Variants in RARB observed in about 807,000 individuals in gnomAD.
The protein encoded by RARB is retinoic acid receptor beta, also known as HBV-activated protein.
RARB carries 17 observed loss-of-function variants against 51.9 expected under a neutral mutation model. The ratio of observed to expected loss-of-function variants is 0.33; its 90% confidence interval spans 0.22 to 0.49. RARB has a LOEUF of 0.49. Ranked by LOEUF, RARB falls within the 20% of genes least tolerant of loss-of-function variation. The pLI, the probability that RARB is intolerant of heterozygous loss-of-function variation, is 0.99. For synonymous variants in RARB, 215 were observed against 195.4 expected (o/e 1.10, Z -0.84); for missense variants, 369 against 550.8 (o/e 0.67, Z 3.30).
chr3:25,108,078 G>A (rs1046576913), intron 3 of RARB, among the ~76,000 whole-genome samples: 30 of 152,108 alleles, frequency 2.0e-4, no homozygotes, highest in African/African-American at 6.3e-4. Context: ...TGACTAATGG[G>A]TGGGTAGCAT....
At chr3:25,148,335 G>C (rs1700228039) in intron 4 of RARB, among the ~76,000 whole-genome samples, 1 of 152,290 alleles carries the variant, frequency 6.6e-6, no homozygotes, top group Non-Finnish European at 1.5e-5. Flanking sequence ...ATATGTGTTG[G>C]TGAACATGGC....
chr3:25,080,159 G>A (rs1023567643), intron 3 of RARB, among the ~76,000 whole-genome samples: 1 of 152,034 alleles, frequency 6.6e-6, no homozygotes, highest in African/African-American at 2.4e-5. Flanking sequence ...GCCTGTTTTG[G>A]GTATTTCATA....
chr3:25,119,376 T>G (rs1609782), intron 3 of RARB, among the ~76,000 whole-genome samples: 118,144 of 152,062 alleles, frequency 0.78, 46,732 homozygotes, highest in Non-Finnish European at 0.85. Context: ...CTAACTGTGT[T>G]TGCTACAGTT....
chr3:25,335,145 G>A (rs1351553380), intron 5 of RARB, among the ~76,000 whole-genome samples: 1 of 152,130 alleles, frequency 6.6e-6, no homozygotes, highest in African/African-American at 2.4e-5. Flanking sequence ...GATGGTAATA[G>A]CACAAGCATA....
chr3:25,351,022 A>G (rs17016257), intron 5 of RARB, among the ~76,000 whole-genome samples: 6,372 of 152,298 alleles, frequency 0.042, 164 homozygotes, highest in Middle Eastern at 0.061. Context: ...ACACAGAGGT[A>G]GGAGAAACAT....
In RARB at chr3:25,169,430, C is replaced by T. The variant is rs569821891; in HGVS notation, c.-279-4689C>T. Among the ~76,000 whole-genome samples, 50 of 152,104 alleles carry T rather than the reference C, an allele frequency of 3.3e-4. 2 individuals are homozygous for T. In the South Asian group the frequency reaches 4.6e-3, roughly 14 times the overall value. On this transcript the variant is annotated intron_variant, in intron 4 of 11. Coordinates refer to the RARB transcript ENST00000383772. The stretch of plus-strand genomic sequence containing the variant: ...TGGAGACTTAGCAAAGAATTATTCA[C>T]GGATATAAAGAAGACTAATCAAATT...
intron 5 of RARB, among the ~76,000 whole-genome samples, chr3:25,197,161 G>T (rs1268409281): frequency 6.6e-6 from 1 of 152,088 alleles, no homozygotes; most frequent in Non-Finnish European, 1.5e-5. Context: ...GTCCTGAATG[G>T]TATTGCCTAG....
intron 1 of RARB, among the ~76,000 whole-genome samples, chr3:24,849,760 C>T (rs566794965): frequency 0.017 from 2,598 of 152,306 alleles, 76 homozygotes; most frequent in African/African-American, 0.059. Flanking sequence ...CATTCAACAT[C>T]CATTATGGGA....
At chr3:25,466,573 G>C (rs6550981) in intron 2 of RARB, among the ~76,000 whole-genome samples, 88,459 of 152,022 alleles carry the variant, frequency 0.58, 26,695 homozygotes, top group African/African-American at 0.75. Flanking sequence ...TCTTAGTACT[G>C]TTCTTGTAGT....
At chr3:25,303,119 T>A (rs11928608) in intron 5 of RARB, among the ~76,000 whole-genome samples, 2,985 of 152,258 alleles carry the variant, frequency 0.02, 79 homozygotes, top group African/African-American at 0.064. Flanking sequence ...GGCTCCTTGG[T>A]CCTTTATACA....
At chr3:25,517,266 A>C (rs1474158049) in intron 3 of RARB, among the ~76,000 whole-genome samples, 3 of 152,234 alleles carry the variant, frequency 2.0e-5, no homozygotes, top group Admixed American at 1.3e-4. Flanking sequence ...GGCTTACAAA[A>C]GTAATGTGAA....
At chr3:25,156,789 TAAGA>T (rs578033051) in intron 4 of RARB, among the ~76,000 whole-genome samples, 180 of 152,272 alleles carry the variant, frequency 1.2e-3, no homozygotes, top group African/African-American at 3.9e-3. Flanking sequence ...TGAAAGAGTT[TAAGA>T]AAGAGAAACA....
At chr3:25,160,506 A>G (rs1700457144) in intron 4 of RARB, among the ~76,000 whole-genome samples, 1 of 152,102 alleles carries the variant, frequency 6.6e-6, no homozygotes, top group African/African-American at 2.4e-5. Context: ...AACACCACAC[A>G]TTGGATTTTC....
At chr3:25,542,845 A>C (rs1164358205) in intron 3 of RARB, among the ~76,000 whole-genome samples, 1 of 152,228 alleles carries the variant, frequency 6.6e-6, no homozygotes, top group African/African-American at 2.4e-5. Context: ...TAATCCTTAC[A>C]ATAACTCTGT....
rs151144031 is a variant in RARB, at chr3:24,882,239, A to T, written c.-380+23487A>T. 2.9e-3 allele frequency among the ~76,000 whole-genome samples: 439 copies of T among 152,248 alleles called. 1 individual carries two copies. Among genetic ancestry groups the T allele is most frequent in the African/African-American group, 0.01 (421 of 41,490 alleles). On this transcript the variant is annotated intron_variant, in intron 2 of 11. Coordinates refer to the RARB transcript ENST00000383772. ...AGAGAGTTGAGTTACATTAAACATAACTGATTACAGTCGGCCCTTTGTACC... is the reference window on the plus strand; with the variant it reads ...AGAGAGTTGAGTTACATTAAACATATCTGATTACAGTCGGCCCTTTGTACC...
intron 5 of RARB, among the ~76,000 whole-genome samples, chr3:25,380,176 T>C (rs1288805692): frequency 1.3e-5 from 2 of 152,218 alleles, no homozygotes; most frequent in Non-Finnish European, 2.9e-5. Flanking sequence ...CAGTGAAGGC[T>C]GGCCTCCTGT....
At chr3:25,110,432 G>C (rs1248400499) in intron 3 of RARB, among the ~76,000 whole-genome samples, 1 of 152,218 alleles carries the variant, frequency 6.6e-6, no homozygotes, top group African/African-American at 2.4e-5. Flanking sequence ...AAGTGGAGGA[G>C]CCCAGGACTC....
intron 1 of RARB, among the ~76,000 whole-genome samples, chr3:25,448,795 G>T (rs1468358220): frequency 6.6e-6 from 1 of 152,096 alleles, no homozygotes; most frequent in Admixed American, 6.6e-5. Flanking sequence ...AATATCAAGT[G>T]CATCCTTTGA....
At chr3:25,061,690 T>A (rs748507265) in intron 3 of RARB, among the ~76,000 whole-genome samples, 5 of 151,834 alleles carry the variant, frequency 3.3e-5, no homozygotes, top group Admixed American at 6.6e-5. Flanking sequence ...AGTTTAATAA[T>A]AATATGTTGA....
Sources: allele counts gnomAD v4.1 joint callset (sites outside exome capture counted in the v4.1 genomes callset), GRCh38; gene constraint gnomAD v4.1.1; transcripts MANE v1.5; gene names NCBI Gene and HGNC (gene_info 2026-07-23, HGNC 2026-07-21).